ATP2B4: variants seen among roughly 807,000 people sequenced by gnomAD.
ATP2B4 encodes the protein plasma membrane calcium-transporting ATPase 4.
Under a neutral mutation model 110.3 loss-of-function variants are expected in ATP2B4, and 39 were observed. The observed-to-expected ratio is 0.35, with a 90% confidence interval of 0.27 to 0.46. The LOEUF (loss-of-function observed/expected upper bound fraction) is 0.46. Ranked by LOEUF, ATP2B4 falls within the 20% of genes least tolerant of loss-of-function variation. The pLI is 1.00. For synonymous variants in ATP2B4, 538 were observed against 571.7 expected (o/e 0.94, Z 0.84); for missense variants, 1,135 against 1,530.9 (o/e 0.74, Z 4.32).
intron 10 of ATP2B4, 125 bp from the exon 11 acceptor site, chr1:203,709,176 T>A: frequency 2.3e-6 from 3 of 1,294,858 alleles, no homozygotes; most frequent in South Asian, 1.5e-5. Context: ...AAAAAAAAAA[T>A]GTTATTTCCC....
intron 8 of ATP2B4, among the ~76,000 whole-genome samples, chr1:203,704,212 G>A (rs1340136242): frequency 6.6e-6 from 1 of 152,194 alleles, no homozygotes; most frequent in Non-Finnish European, 1.5e-5. Flanking sequence ...TAGCATAGGA[G>A]TAGGATCTGG....
intron 1 of ATP2B4, among the ~76,000 whole-genome samples, chr1:203,647,725 C>T (rs1292652549): frequency 6.6e-6 from 1 of 151,944 alleles, no homozygotes; most frequent in African/African-American, 2.4e-5. Flanking sequence ...TGCCACTGTA[C>T]TCCACCCTAG....
rs908652303 is a variant in ATP2B4, at chr1:203,682,994, T to G, written c.-212T>G. On this transcript the variant is annotated 5_prime_UTR_variant, in exon 2 of 21. Transcript: ENST00000357681. ...CAGTTCCCCCATCCTCTTCCTCCTC[T>G]CGCTGCCAGACTTCATACGGAAGAA... 10 of 497,432 alleles carry G rather than the reference T, an allele frequency of 2.0e-5. No individual in the cohort carries two copies. The highest frequency in any genetic ancestry group is 2.5e-5 in the Non-Finnish European group (7 of 281,102). 30.8% of individuals were successfully genotyped at this position (497,432 alleles called of 1,614,324 possible).
chr1:203,703,568 G>A, intron 7 of ATP2B4, 84 bp from the exon 8 acceptor site: 1 of 1,479,570 alleles, frequency 6.8e-7, no homozygotes, highest in Admixed American at 1.9e-5. Flanking sequence ...GAAAGAGACA[G>A]GAAGGTTTTC....
At chr1:203,704,467 CTTTTTTTTTTTTTT>C (rs35019828) in intron 8 of ATP2B4, among the ~76,000 whole-genome samples, 16 of 68,800 alleles carry the variant, frequency 2.3e-4, no homozygotes, top group Admixed American at 9.6e-4. Flanking sequence ...AAGGAACAGT[CTTTTTTTTTTTTTT>C]TTTTTTTTTT....
chr1:203,705,455 G>A (rs1040732765), intron 8 of ATP2B4, among the ~76,000 whole-genome samples: 3 of 152,202 alleles, frequency 2.0e-5, no homozygotes, highest in Non-Finnish European at 4.4e-5. Context: ...CTGGAGTGCA[G>A]TGATGCAATC....
chr1:203,687,263 A>G (rs1665223396), intron 2 of ATP2B4, among the ~76,000 whole-genome samples: 1 of 6,816 alleles, frequency 1.5e-4, no homozygotes, highest in Non-Finnish European at 1.1e-3. Context: ...AGAAAGAAAA[A>G]GAAAGAAAAG....
In ATP2B4 at chr1:203,663,613, T is replaced by C. The variant is rs184925152; in HGVS notation, c.-464-19129T>C. On this transcript the variant is annotated intron_variant, in intron 1 of 20. Coordinates refer to ENST00000357681, the MANE Select transcript of ATP2B4 (RefSeq NM_001684.5). ...TCTACAGGCTGCTCTCTCTCTCTCT[T>C]TTTTTTTTTTTAAGCAAGGTCTTGC... Among the ~76,000 whole-genome samples, 1,265 of 146,148 alleles carry C rather than the reference T, an allele frequency of 8.7e-3. 20 individuals are homozygous for C. Among genetic ancestry groups the C allele is most frequent in the African/African-American group, 0.027 (1,074 of 40,246 alleles).
chr1:203,711,972 A>C lies in ATP2B4; in HGVS notation c.2044A>C (p.Ile682Leu), dbSNP rs1341862066. ...DPVRPEVPDA[I>L]AKCKQAGITV... ...TCACTCTCCATAGGTGCCAGATGCT[A>C]TTGCCAAATGCAAACAAGCTGGCAT... Residue 682 changes from isoleucine to leucine, a missense_variant, in exon 13 of 21, where the codon ATT becomes CTT. By Grantham distance (5) the Ile-to-Leu change is conservative. Around this residue, in one of 9 missense-constraint regions of ATP2B4, gnomAD observed 368 missense variants for 455.9 expected, o/e 0.81. Transcript: ENST00000357681. The C allele has an allele frequency of 6.2e-7, 1 of 1,614,094 alleles. No homozygotes were observed. Among genetic ancestry groups the C allele is most frequent in the Admixed American group, 1.7e-5 (1 of 60,016 alleles).
chr1:203,681,317 A>T (rs1665003195), intron 1 of ATP2B4, among the ~76,000 whole-genome samples: 1 of 152,202 alleles, frequency 6.6e-6, no homozygotes, highest in African/African-American at 2.4e-5. Flanking sequence ...GACTTTGGCT[A>T]CATGTGACTT....
At chr1:203,635,446 ATTG>A (rs1663409839) in intron 1 of ATP2B4, among the ~76,000 whole-genome samples, 1 of 151,964 alleles carries the variant, frequency 6.6e-6, no homozygotes, top group South Asian at 2.1e-4. Context: ...TTTTGTTGTT[ATTG>A]TTGTTTTGTT....
rs756905989 is a variant in ATP2B4 at position 203,699,507 on chromosome 1, G to T, written c.439G>T (p.Ala147Ser). The change falls in exon 4 of 21, where the codon GCT becomes TCT. Residue 147 changes from alanine (A) to serine (S), a missense_variant. This residue lies in a region of ATP2B4 where 101 missense variants were observed against 182.6 expected (regional missense o/e 0.55). Transcript: ENST00000357681. The part of the protein sequence containing the change: ...TTPEDENEAQ[A>S]GWIEGAAILF... The stretch of plus-strand genomic sequence containing the variant: ...CCCAGAAGATGAAAATGAGGCACAA[G>T]CTGGCTGGATTGAGGGGGCAGCCAT... The T allele has an allele frequency of 6.2e-7, 1 of 1,614,116 alleles. No individual in the cohort carries two copies. The highest frequency in any genetic ancestry group is 1.7e-5 in the Admixed American group (1 of 60,010).
At chr1:203,700,105 G>A in intron 4 of ATP2B4, 101 bp from the exon 5 acceptor site, 1 of 1,399,458 alleles carries the variant, frequency 7.1e-7, no homozygotes, top group South Asian at 1.4e-5. Context: ...TAGGGCCCAT[G>A]GGAACAGCCA....
At chr1:203,676,549 G>T (rs756671171) in intron 1 of ATP2B4, among the ~76,000 whole-genome samples, 1 of 152,192 alleles carries the variant, frequency 6.6e-6, no homozygotes, top group Non-Finnish European at 1.5e-5. Context: ...TCCTTTGGAA[G>T]CGTAAGAGTG....
At chr1:203,707,301 G>C in intron 9 of ATP2B4, 78 bp downstream of exon 9, 1 of 1,399,568 alleles carries the variant, frequency 7.1e-7, no homozygotes, top group East Asian at 2.3e-5. Flanking sequence ...TTAGTGAAAA[G>C]ATAAGCCATT....
chr1:203,702,499 A>T (rs761011182), intron 7 of ATP2B4, among the ~76,000 whole-genome samples: 13 of 152,260 alleles, frequency 8.5e-5, no homozygotes, highest in Admixed American at 2.0e-4. Flanking sequence ...TAGCTTCCTC[A>T]TAAGTGTCCT....
chr1:203,725,740 A>G (rs1666488867), intron 19 of ATP2B4, among the ~76,000 whole-genome samples: 1 of 151,974 alleles, frequency 6.6e-6, no homozygotes, highest in Non-Finnish European at 1.5e-5. Context: ...AGGTCTCTGC[A>G]GATAATCCCT....
chr1:203,653,516 C>G (rs1348629793), intron 1 of ATP2B4, among the ~76,000 whole-genome samples: 1 of 152,218 alleles, frequency 6.6e-6, no homozygotes. Flanking sequence ...AAGGAGAAGT[C>G]AATGCCTGGC....
chr1:203,700,674 G>C, intron 5 of ATP2B4, 124 bp from the exon 6 acceptor site: 2 of 1,354,576 alleles, frequency 1.5e-6, no homozygotes, highest in Non-Finnish European at 2.0e-6. Flanking sequence ...TTCCTACTGT[G>C]CTAAGCACAT....
Sources: allele counts gnomAD v4.1 joint callset (sites outside exome capture counted in the v4.1 genomes callset), GRCh38; gene constraint gnomAD v4.1.1; regional missense constraint gnomAD v4.1.1; transcripts MANE v1.5; gene names NCBI Gene and HGNC (gene_info 2026-07-23, HGNC 2026-07-21).